Variants in CORO2B observed in about 807,000 individuals in gnomAD.
CORO2B encodes coronin 2B.
A neutral mutation model predicts 58.8 loss-of-function variants in CORO2B; 26 were observed. The ratio of observed to expected loss-of-function variants is 0.44; its 90% confidence interval spans 0.32 to 0.61. CORO2B has a LOEUF of 0.61. Ranked by LOEUF, CORO2B falls within the 20% of genes least tolerant of loss-of-function variation. The pLI, the probability that CORO2B is intolerant of heterozygous loss-of-function variation, is 0.04. For missense variants in CORO2B, 460 were observed against 645.1 expected (o/e 0.71, Z 3.11); for synonymous variants, 242 against 253.8 (o/e 0.95, Z 0.44).
chr15:68,688,022 TG>T (rs1903045330), intron 2 of CORO2B, among the ~76,000 whole-genome samples: 1 of 152,206 alleles, frequency 6.6e-6, no homozygotes, highest in Non-Finnish European at 1.5e-5. Context: ...GACCATCCAT[TG>T]GTAACAAGGG....
chr15:68,566,484 T>C, the CORO2B span, among the ~76,000 whole-genome samples: 2 of 152,024 alleles, frequency 1.3e-5, no homozygotes, highest in African/African-American at 4.8e-5. Flanking sequence ...AAATGAGAGG[T>C]GCCTGCAGGG....
In CORO2B at chr15:68,632,305, C is replaced by T. The variant is rs528525870; in HGVS notation, c.16-12855C>T. On this transcript the variant is annotated intron_variant, in intron 1 of 11. Transcript: ENST00000261861. ...CAAAGAAGATACAAGTTTGTTTCCTCTGAAGCTTGTCTGGTGTCATCCAGG... is the reference window on the plus strand; with the variant it reads ...CAAAGAAGATACAAGTTTGTTTCCTTTGAAGCTTGTCTGGTGTCATCCAGG... The T allele has an allele frequency of 7.1e-6, 7 of 985,462 alleles. No homozygotes were observed. In the South Asian group the frequency reaches 2.8e-4, roughly 40 times the overall value. 61.0% of individuals were successfully genotyped at this position (985,462 alleles called of 1,614,324 possible). A position where few individuals can be genotyped will look rare whatever the true frequency, so the allele number is the denominator to read the frequency against.
At chr15:68,691,690 C>G (rs962613233) in intron 2 of CORO2B, among the ~76,000 whole-genome samples, 7 of 150,338 alleles carry the variant, frequency 4.7e-5, no homozygotes, top group African/African-American at 1.7e-4. Context: ...AGCAATGGAG[C>G]TCATCAGTCT....
chr15:68,702,084 TCC>T (rs1170497921), intron 3 of CORO2B, among the ~76,000 whole-genome samples: 3 of 151,898 alleles, frequency 2.0e-5, no homozygotes, highest in African/African-American at 7.3e-5. Context: ...ACAGATCATG[TCC>T]TCCTCAGGGG....
At chr15:68,552,975 A>T in the CORO2B span, among the ~76,000 whole-genome samples, 4 of 152,246 alleles carry the variant, frequency 2.6e-5, no homozygotes, top group Non-Finnish European at 5.9e-5. Flanking sequence ...ACATGTGTTC[A>T]TCCAACAAAC....
intron 2 of CORO2B, among the ~76,000 whole-genome samples, chr15:68,649,510 T>C (rs185835764): frequency 6.6e-6 from 1 of 152,340 alleles, no homozygotes; most frequent in East Asian, 1.9e-4. Flanking sequence ...ATTAAAATGA[T>C]GCTGTAGAGC....
At chr15:68,693,110 G>A (rs1355689680) in intron 2 of CORO2B, among the ~76,000 whole-genome samples, 1 of 152,062 alleles carries the variant, frequency 6.6e-6, no homozygotes, top group Non-Finnish European at 1.5e-5. Flanking sequence ...ATTCTCCTGG[G>A]TCCAGCCTCT....
chr15:68,693,494 C>T (rs1324151885), intron 2 of CORO2B, among the ~76,000 whole-genome samples: 2 of 152,248 alleles, frequency 1.3e-5, no homozygotes, highest in African/African-American at 2.4e-5. Flanking sequence ...TGGGCCGTAA[C>T]TGGAGAAACT....
chr15:68,608,780 C>G (rs1900183169), intron 1 of CORO2B, among the ~76,000 whole-genome samples: 1 of 152,166 alleles, frequency 6.6e-6, no homozygotes, highest in Non-Finnish European at 1.5e-5. Context: ...TCAGGCTTCC[C>G]ACAGCTGGCT....
chr15:68,567,877 G>A, the CORO2B span, among the ~76,000 whole-genome samples: 19 of 152,206 alleles, frequency 1.2e-4, no homozygotes, highest in African/African-American at 3.9e-4. Context: ...AAAATTAGTC[G>A]GGTTTGGTGG....
chr15:68,597,624 C>G (rs575540207), intron 1 of CORO2B, among the ~76,000 whole-genome samples: 3 of 139,988 alleles, frequency 2.1e-5, no homozygotes, highest in Non-Finnish European at 3.1e-5. Flanking sequence ...GTTTCCCCCC[C>G]ATCAAAAAAA....
the CORO2B span, among the ~76,000 whole-genome samples, chr15:68,522,969 G>T: frequency 6.6e-6 from 1 of 152,102 alleles, no homozygotes; most frequent in South Asian, 2.1e-4. Flanking sequence ...TTCTATAGAG[G>T]GTTCATTCTA....
the CORO2B span, among the ~76,000 whole-genome samples, chr15:68,545,609 GGGC>G: frequency 0.096 from 12,402 of 129,434 alleles, 899 homozygotes; most frequent in African/African-American, 0.11. Flanking sequence ...GGAATGCGGG[GGGC>G]GGGGGGGGTA....
intron 1 of CORO2B, among the ~76,000 whole-genome samples, chr15:68,620,068 C>A (rs2140251149): frequency 6.6e-6 from 1 of 152,184 alleles, no homozygotes; most frequent in African/African-American, 2.4e-5. Context: ...CACGCCACAA[C>A]ACCTGGCTAA....
At chr15:68,706,970 C>CT (rs900760693) in intron 3 of CORO2B, among the ~76,000 whole-genome samples, 2 of 152,022 alleles carry the variant, frequency 1.3e-5, no homozygotes, top group African/African-American at 4.8e-5. Flanking sequence ...ACCTAGGCTT[C>CT]TTTTTTTTGA....
At chr15:68,611,990 C>G (rs968735307) in intron 1 of CORO2B, among the ~76,000 whole-genome samples, 1 of 152,124 alleles carries the variant, frequency 6.6e-6, no homozygotes, top group Non-Finnish European at 1.5e-5. Flanking sequence ...AGACTGGTCT[C>G]AAACTCCTGG....
intron 11 of CORO2B, among the ~76,000 whole-genome samples, chr15:68,720,819 A>G (rs1893142340): frequency 6.6e-6 from 1 of 152,196 alleles, no homozygotes; most frequent in Admixed American, 6.5e-5. Context: ...GGGCCAGCCC[A>G]TGCTTGAGGA....
intron 1 of CORO2B, among the ~76,000 whole-genome samples, chr15:68,585,546 G>A (rs1899529648): frequency 1.3e-5 from 2 of 152,166 alleles, no homozygotes; most frequent in Non-Finnish European, 2.9e-5. Context: ...GGGGAGCAGG[G>A]ATTTGTACCT....
intron 2 of CORO2B, among the ~76,000 whole-genome samples, chr15:68,693,913 G>A (rs1047267594): frequency 2.0e-5 from 3 of 152,176 alleles, no homozygotes; most frequent in East Asian, 1.9e-4. Context: ...TTGGCTCACC[G>A]CAACCTCCGC....
Sources: gnomAD v4.1 joint callset for allele counts (sites outside exome capture counted in the v4.1 genomes callset) on GRCh38, gnomAD v4.1.1 for gene constraint, MANE v1.5 for transcripts, NCBI Gene and HGNC (gene_info 2026-07-23, HGNC 2026-07-21) for gene names.